The following RUNDC1 variants were observed in gnomAD, a reference collection of about 807,000 sequenced individuals.
RUNDC1 encodes the protein RUN domain containing 1, also known as RUN domain-containing protein 1.
RUNDC1 carries 31 observed loss-of-function variants against 49.3 expected under a neutral mutation model. The ratio of observed to expected loss-of-function variants is 0.63; its 90% CI spans 0.47 to 0.85. The LOEUF (loss-of-function observed/expected upper bound fraction) is 0.85, where lower values mean the gene tolerates loss of function less well. Among genes scored for constraint, RUNDC1 ranks in the 40% least tolerant of loss-of-function variants. RUNDC1 has a pLI of 0.00. For synonymous variants in RUNDC1, 347 were observed against 348.6 expected (o/e 1.00, Z 0.05); for missense variants, 715 against 806.7 (o/e 0.89, Z 1.38).
Position 42,987,420 on chromosome 17 carries a change from C to T in RUNDC1, c.657+6C>T. 6.2e-7 allele frequency: 1 copy of T among 1,613,734 alleles called. No homozygotes were observed. Among genetic ancestry groups the T allele is most frequent in the African/African-American group, 1.3e-5 (1 of 75,032 alleles). ...TGGTGTTGGAAAGACAGCGGGTGAG[C>T]AGACCCCAGAGGAACCTCCACCACT... On this transcript the variant is annotated splice_donor_region_variant and intron_variant, in intron 2 of 4. Transcript: ENST00000361677.
chr17:42,980,664 G>A lies in RUNDC1; in HGVS notation c.88G>A (p.Glu30Lys). ...GAAAGACGAAGAGGAGGAGGAAGAG[G>A]AGCCGCTGCCACCGTGCGAGGCGGT... ...KAKDEEEEEE[E>K]PLPPCEAVRW... The change falls in exon 1 of 5, where the codon GAG becomes AAG. Residue 30 changes from glutamate to lysine, a missense_variant. By Grantham distance (56) the Glu-to-Lys change is moderately conservative. This residue lies in a region of RUNDC1 where 153 missense variants were observed against 139.4 expected (regional missense o/e 1.10). Transcript: ENST00000361677. 2 of 1,588,472 alleles carry A rather than the reference G, an allele frequency of 1.3e-6. No individual in the cohort carries two copies. Among genetic ancestry groups the A allele is most frequent in the Non-Finnish European group, 1.7e-6 (2 of 1,170,370 alleles).
At position 42,993,788 on chromosome 17, in the gene RUNDC1, T is replaced by C. The variant is rs2050275690; in HGVS notation, c.*2072T>C. On this transcript the variant is annotated 3_prime_UTR_variant, in exon 5 of 5. Coordinates refer to ENST00000361677, the MANE Select transcript of RUNDC1 (RefSeq NM_173079.5). ...AATTCACTAAAAAGTCCCCTTGGCA[T>C]GACCATCTCCTCCTGCCCACGCCTG... 6.6e-6 allele frequency: 1 copy of C among 152,178 alleles called. No individual in the cohort carries two copies. The highest frequency in any genetic ancestry group is 2.1e-4 in the South Asian group (1 of 4,832). The allele number at this position is 152,178 out of a possible 1,614,324, so 9.4% of individuals were successfully genotyped here. A position where few individuals can be genotyped will look rare whatever the true frequency, so the allele number is the denominator to read the frequency against.
rs190612837 is a variant in RUNDC1, at chr17:42,982,772, G to A, written c.498+1698G>A. ...GCGGATCACCTGAGGTTGGGAGTTCGAGACCAGCCTGACCAACATGATGAA... is the reference window on the plus strand; with the variant it reads ...GCGGATCACCTGAGGTTGGGAGTTCAAGACCAGCCTGACCAACATGATGAA... On this transcript the variant is annotated intron_variant, in intron 1 of 4. Coordinates refer to ENST00000361677, the MANE Select transcript of RUNDC1 (RefSeq NM_173079.5). Among the ~76,000 whole-genome samples the A allele has an allele frequency of 7.1e-3, 1,054 of 148,218 alleles. 8 individuals carry two copies. The highest frequency in any genetic ancestry group is 0.012 in the Non-Finnish European group (840 of 67,532).
intron 1 of RUNDC1, among the ~76,000 whole-genome samples, chr17:42,984,707 GA>G (rs2050146855): frequency 6.6e-6 from 1 of 152,056 alleles, no homozygotes; most frequent in Admixed American, 6.6e-5. Flanking sequence ...ACTTGGTCAT[GA>G]AAATGGAATC....
Position 42,994,874 on chromosome 17 carries a change from G to T in RUNDC1, c.*3158G>T, listed in dbSNP as rs535432353. On this transcript the variant is annotated 3_prime_UTR_variant, in exon 5 of 5. Coordinates refer to ENST00000361677, the MANE Select transcript of RUNDC1 (RefSeq NM_173079.5). ...CCAGATCCAAGGATATGCAAGAATG[G>T]AAGGGTCAAGAGCCACGGATATGTA... Among the ~76,000 whole-genome samples, 6 of 152,278 alleles carry T rather than the reference G, an allele frequency of 3.9e-5. No individual in the cohort carries two copies. Among genetic ancestry groups the T allele is most frequent in the South Asian group, 2.1e-4 (1 of 4,816 alleles).
In RUNDC1 at chr17:42,989,510, A is replaced by G; in HGVS notation, c.827A>G (p.Asp276Gly). Residue 276 changes from aspartate (D) to glycine (G), a missense_variant, in exon 3 of 5, where the codon GAC becomes GGC. This residue lies in a region of RUNDC1 where 425 missense variants were observed against 499.7 expected (regional missense o/e 0.85). Transcript: ENST00000361677. ...LVEQLKTQIR[D>G]LEMFINFIQD... The stretch of plus-strand genomic sequence containing the variant: ...GAGCAACTGAAAACTCAGATCCGAG[A>G]CCTTGAGATGTTTATCAACTTCATC... 1 of 1,614,200 alleles carries G rather than the reference A, an allele frequency of 6.2e-7. No individual in the cohort carries two copies. The highest frequency in any genetic ancestry group is 8.5e-7 in the Non-Finnish European group (1 of 1,180,046).
chr17:42,981,156 A>G, intron 1 of RUNDC1, 82 bp downstream of exon 1: 3 of 1,445,164 alleles, frequency 2.1e-6, no homozygotes, highest in Non-Finnish European at 2.7e-6. Context: ...ATGATGGTGC[A>G]TGCGGGGAGA....
At chr17:42,985,165 G>A (rs2050154664) in intron 1 of RUNDC1, among the ~76,000 whole-genome samples, 1 of 152,136 alleles carries the variant, frequency 6.6e-6, no homozygotes, top group Non-Finnish European at 1.5e-5. Flanking sequence ...GGGATTACAG[G>A]CATGAGCCAC....
At chr17:42,988,406 C>T (rs1285549662) in intron 2 of RUNDC1, among the ~76,000 whole-genome samples, 1 of 151,890 alleles carries the variant, frequency 6.6e-6, no homozygotes, top group Non-Finnish European at 1.5e-5. Context: ...GCATCCACCA[C>T]CATGGCCAGC....
chr17:42,989,730 A>G (rs2050214622), intron 3 of RUNDC1, among the ~76,000 whole-genome samples, 191 bp downstream of exon 3: 1 of 152,102 alleles, frequency 6.6e-6, no homozygotes, highest in African/African-American at 2.4e-5. Context: ...CGCCTCCCAG[A>G]TGGAAGCAAT....
At position 42,992,591 on chromosome 17, in the gene RUNDC1, AGAC is replaced by A. The variant is rs1246880821; in HGVS notation, c.*876_*878del. 22 of 148,728 alleles carry A rather than the reference AGAC, an allele frequency of 1.5e-4. No individual in the cohort carries two copies. The highest frequency in any genetic ancestry group is 2.9e-4 in the African/African-American group (12 of 41,118). The allele number at this position is 148,728 out of a possible 1,614,324, so 9.2% of individuals were successfully genotyped here. ...CTCAAAAAAAAAAAAAAAAAAAAAAAGACATTCAACTTGAGGCTCCTGTTAGTT... is the reference window on the plus strand; with the variant it reads ...CTCAAAAAAAAAAAAAAAAAAAAAAAATTCAACTTGAGGCTCCTGTTAGTT... On this transcript the variant is annotated 3_prime_UTR_variant, in exon 5 of 5. Coordinates refer to ENST00000361677, the MANE Select transcript of RUNDC1 (RefSeq NM_173079.5).
chr17:42,990,815 G>A, intron 4 of RUNDC1, 36 bp from the exon 5 acceptor site: 1 of 1,551,296 alleles, frequency 6.4e-7, no homozygotes. Flanking sequence ...TGCCATCATG[G>A]CCTCTCACTG....
chr17:42,985,039 G>A lies in RUNDC1; in HGVS notation c.499-2217G>A, dbSNP rs2050153087. Among the ~76,000 whole-genome samples the A allele has an allele frequency of 2.0e-5, 3 of 151,654 alleles. No individual in the cohort carries two copies. In the South Asian group the frequency reaches 6.2e-4, roughly 32 times the overall value. On this transcript the variant is annotated intron_variant, in intron 1 of 4. Coordinates refer to ENST00000361677, the MANE Select transcript of RUNDC1 (RefSeq NM_173079.5). Reference sequence around the variant, plus strand: ...GCCTCCCAAGTAGCTAGGATTACAGGCACGTGCCACCACACTGGGCTAGTT... The same window carrying A: ...GCCTCCCAAGTAGCTAGGATTACAGACACGTGCCACCACACTGGGCTAGTT...
intron 1 of RUNDC1, chr17:42,985,638 CTT>C: frequency 7.8e-5 from 3 of 38,548 alleles, no homozygotes; most frequent in Non-Finnish European, 1.5e-4. Context: ...TCTCTCATTA[CTT>C]ACTTCTTCAG....
At chr17:42,986,430 T>C (rs2050172163) in intron 1 of RUNDC1, among the ~76,000 whole-genome samples, 2 of 152,146 alleles carry the variant, frequency 1.3e-5, no homozygotes, top group Admixed American at 1.3e-4. Context: ...TTGATTCTTT[T>C]GATTTTTCAG....
rs1198455251 is a variant in RUNDC1, at chr17:42,991,347, C to T, written c.1473C>T (p.Ser491=). Residue 491 remains serine, a synonymous_variant, in exon 5 of 5, where the codon TCC becomes TCT. Transcript: ENST00000361677. ...HAKNGRAYVE[S]PARKLSQSFA... is the part of the protein sequence containing the mutation. ...AGAACGGCCGTGCTTATGTGGAATCCCCAGCCCGGAAGCTCTCCCAGTCCT... is the reference window on the plus strand; with the variant it reads ...AGAACGGCCGTGCTTATGTGGAATCTCCAGCCCGGAAGCTCTCCCAGTCCT... The T allele has an allele frequency of 6.2e-7, 1 of 1,614,072 alleles. No homozygotes were observed. The highest frequency in any genetic ancestry group is 1.7e-5 in the Admixed American group (1 of 59,990).
In RUNDC1 at chr17:42,990,837, T is replaced by C; in HGVS notation, c.977-14T>C. 1 of 1,570,290 alleles carries C rather than the reference T, an allele frequency of 6.4e-7. No homozygotes were observed. Among genetic ancestry groups the C allele is most frequent in the Non-Finnish European group, 8.7e-7 (1 of 1,154,376 alleles). ...ATGGCCTCTCACTGATGAGCCACTG[T>C]CTTTTCTAAGCAGCAAAGGCAGAGG... On this transcript the variant is annotated splice_polypyrimidine_tract_variant and intron_variant, in intron 4 of 4. Coordinates refer to ENST00000361677, the MANE Select transcript of RUNDC1 (RefSeq NM_173079.5).
At chr17:42,984,003 T>C (rs934360916) in intron 1 of RUNDC1, among the ~76,000 whole-genome samples, 1 of 150,678 alleles carries the variant, frequency 6.6e-6, no homozygotes, top group African/African-American at 2.4e-5. Flanking sequence ...TATTTTCCAC[T>C]CTGTTGCCCA....
At chr17:42,983,002 C>T (rs537342348) in intron 1 of RUNDC1, among the ~76,000 whole-genome samples, 1 of 140,996 alleles carries the variant, frequency 7.1e-6, no homozygotes, top group Non-Finnish European at 1.5e-5. Flanking sequence ...AAAAAACACA[C>T]AAAAAATTAA....
Sources: allele counts gnomAD v4.1 joint callset (sites outside exome capture counted in the v4.1 genomes callset), GRCh38; gene constraint gnomAD v4.1.1; regional missense constraint gnomAD v4.1.1; transcripts MANE v1.5; gene names NCBI Gene and HGNC (gene_info 2026-07-23, HGNC 2026-07-21).